The following GLI3 variants were observed in gnomAD, a reference collection of about 807,000 sequenced individuals.
GLI3 encodes transcription activator GLI3.
In GLI3, 20 loss-of-function variants were observed where a neutral mutation model predicts 100.8. That is an observed-to-expected ratio of 0.20 (90% CI 0.14 to 0.29). The LOEUF is 0.29. Ranked by LOEUF, GLI3 falls within the 10% of genes least tolerant of loss-of-function variation. The pLI, the probability that GLI3 is intolerant of heterozygous loss-of-function variation, is 1.00. For synonymous variants in GLI3, 938 were observed against 860.5 expected (o/e 1.09, Z -1.58); for missense variants, 2,040 against 2,128.5 (o/e 0.96, Z 0.82).
At chr7:42,032,849 C>G (rs1386477981) in intron 7 of GLI3, among the ~76,000 whole-genome samples, 1 of 152,138 alleles carries the variant, frequency 6.6e-6, no homozygotes, top group Admixed American at 6.5e-5. Flanking sequence ...AAGGTAAAAG[C>G]TACTATTTTA....
intron 3 of GLI3, among the ~76,000 whole-genome samples, chr7:42,085,599 T>G (rs1213636060): frequency 2.0e-5 from 3 of 152,206 alleles, no homozygotes; most frequent in Non-Finnish European, 2.9e-5. Context: ...TATGGCCTTA[T>G]GATGCAAGTT....
At chr7:42,103,378 A>AC (rs1301010451) in intron 3 of GLI3, among the ~76,000 whole-genome samples, 1 of 151,832 alleles carries the variant, frequency 6.6e-6, no homozygotes, top group East Asian at 1.9e-4. Flanking sequence ...ATGTCCTTAA[A>AC]CCCCCCACAG....
intron 10 of GLI3, among the ~76,000 whole-genome samples, chr7:42,012,679 A>T (rs1322622393): frequency 6.6e-6 from 1 of 152,106 alleles, no homozygotes; most frequent in Non-Finnish European, 1.5e-5. Flanking sequence ...TCCCCTCTTG[A>T]TCAAGAAAAA....
intron 7 of GLI3, among the ~76,000 whole-genome samples, chr7:42,027,868 A>G (rs1351499648): frequency 6.6e-6 from 1 of 152,200 alleles, no homozygotes; most frequent in Non-Finnish European, 1.5e-5. Flanking sequence ...CAGTAATAAT[A>G]TTCCGTTTCT....
chr7:42,010,933 G>GAC (rs34986445), intron 10 of GLI3, among the ~76,000 whole-genome samples: 4,004 of 152,208 alleles, frequency 0.026, 75 homozygotes, highest in African/African-American at 0.043. Flanking sequence ...CAGGAAGGAG[G>GAC]ACACAAACCA....
chr7:42,040,521 C>A (rs893356223), intron 6 of GLI3, among the ~76,000 whole-genome samples: 1 of 152,190 alleles, frequency 6.6e-6, no homozygotes, highest in African/African-American at 2.4e-5. Flanking sequence ...TTATCCCTTT[C>A]ATTTCTGGTG....
chr7:42,134,311 A>G (rs1786372830), intron 3 of GLI3, among the ~76,000 whole-genome samples: 1 of 152,172 alleles, frequency 6.6e-6, no homozygotes, highest in Non-Finnish European at 1.5e-5. Flanking sequence ...ATGCATGAGA[A>G]GGACTCGTGT....
chr7:41,972,425 G>A lies in GLI3; in HGVS notation c.2015C>T (p.Ala672Val). ...SRSPGRPTQG[A>V]LGEQQDLSNT... ...GCTGAGGTCCTGCTGCTCACCAAGG[G>A]CTCCCTGAGTCGGTCGGCCAGGCGA... The change falls in exon 13 of 15, where the codon GCC (alanine) becomes GTC (valine). Residue 672 changes from alanine (A) to valine (V), a missense_variant. Coordinates refer to ENST00000395925, the MANE Select transcript of GLI3 (RefSeq NM_000168.6). This position sits in a 1 kb window ranked among gnomAD's most constrained non-coding sequence, Gnocchi z 4.4. The A allele has an allele frequency of 6.2e-7, 1 of 1,613,798 alleles. No individual in the cohort carries two copies. The highest frequency in any genetic ancestry group is 8.5e-7 in the Non-Finnish European group (1 of 1,179,994).
At chr7:42,228,129 C>A (rs1391695402) in intron 1 of GLI3, among the ~76,000 whole-genome samples, 1 of 152,120 alleles carries the variant, frequency 6.6e-6, no homozygotes, top group African/African-American at 2.4e-5. Flanking sequence ...CCGCGCAGCG[C>A]TGTCTGCAGC....
At chr7:42,077,249 A>C (rs2128751928) in intron 3 of GLI3, among the ~76,000 whole-genome samples, 1 of 152,348 alleles carries the variant, frequency 6.6e-6, no homozygotes, top group South Asian at 2.1e-4. Flanking sequence ...TGTCAAGTTA[A>C]GTTTTAGACA....
intron 3 of GLI3, among the ~76,000 whole-genome samples, chr7:42,106,506 G>A (rs561707426): frequency 1.3e-5 from 2 of 152,222 alleles, no homozygotes; most frequent in Non-Finnish European, 2.9e-5. Flanking sequence ...CCCAGGTAAG[G>A]TGGGCCTCCC....
chr7:42,235,297 G>A (rs958337235), intron 1 of GLI3, among the ~76,000 whole-genome samples: 22 of 152,060 alleles, frequency 1.4e-4, no homozygotes, highest in African/African-American at 5.3e-4. Flanking sequence ...TAATACTTTA[G>A]GTCAATTCTT....
chr7:42,153,278 A>G (rs897850759), intron 2 of GLI3, among the ~76,000 whole-genome samples: 2 of 152,114 alleles, frequency 1.3e-5, no homozygotes, highest in Non-Finnish European at 2.9e-5. Context: ...CTTACGTCCT[A>G]TTTCTGGTAT....
upstream of GLI3, chr7:42,237,997 GCCGCCGCCTCCT>G (rs1186611066): frequency 6.6e-6 from 1 of 152,364 alleles, no homozygotes; most frequent in Non-Finnish European, 1.3e-5. Context: ...CGCCGCCGCC[GCCGCCGCCTCCT>G]CCTCCTCCTC....
At chr7:42,118,507 T>C (rs2128769976) in intron 3 of GLI3, among the ~76,000 whole-genome samples, 1 of 152,324 alleles carries the variant, frequency 6.6e-6, no homozygotes, top group African/African-American at 2.4e-5. Context: ...TTTTCTTAGA[T>C]TGGTTTTTGA....
intron 6 of GLI3, among the ~76,000 whole-genome samples, chr7:42,042,889 T>G (rs898106969): frequency 1.3e-5 from 2 of 152,132 alleles, no homozygotes; most frequent in Non-Finnish European, 2.9e-5. Flanking sequence ...GAGTATTTGT[T>G]CTCATCTTTT....
chr7:42,010,950 A>T (rs1788596852), intron 10 of GLI3, among the ~76,000 whole-genome samples: 1 of 152,198 alleles, frequency 6.6e-6, no homozygotes, highest in African/African-American at 2.4e-5. Context: ...ACCAGCTACT[A>T]AAAGAGGATT....
chr7:42,051,289 G>A (rs968164017), intron 4 of GLI3, among the ~76,000 whole-genome samples: 4 of 152,164 alleles, frequency 2.6e-5, no homozygotes, highest in Non-Finnish European at 2.9e-5. Flanking sequence ...CTCAATGTGC[G>A]TGGACCTCAG....
Position 41,967,618 on chromosome 7 carries a change from C to A in GLI3, c.2409G>T (p.Ala803=). 3 of 1,613,350 alleles carry A rather than the reference C, an allele frequency of 1.9e-6. No homozygotes were observed. Among genetic ancestry groups the A allele is most frequent in the Non-Finnish European group, 2.5e-6 (3 of 1,179,592 alleles). ...CACCATTTCCTATGAGAGGAGAGACCGCAGGGGCTTTAGGGGGTAGAATGG... is the reference window on the plus strand; with the variant it reads ...CACCATTTCCTATGAGAGGAGAGACAGCAGGGGCTTTAGGGGGTAGAATGG... ...LNPILPPKAP[A]VSPLIGNGTQ... The change falls in exon 14 of 15, where the codon GCG becomes GCT. Residue 803 remains alanine (A), a synonymous_variant. Transcript: ENST00000395925.
Sources: allele counts gnomAD v4.1 joint callset (sites outside exome capture counted in the v4.1 genomes callset), GRCh38; gene constraint gnomAD v4.1.1; non-coding constraint Gnocchi (gnomAD v3.1); transcripts MANE v1.5; gene names NCBI Gene and HGNC (gene_info 2026-07-23, HGNC 2026-07-21).